The following ATP8B1 variants were observed in gnomAD, a reference collection of about 807,000 sequenced individuals.
ATP8B1 encodes the protein ATPase phospholipid transporting 8B1, also known as phospholipid-transporting ATPase IC.
Under a neutral mutation model 149.9 loss-of-function variants are expected in ATP8B1, and 80 were observed. That is an observed-to-expected ratio of 0.53 (90% CI 0.45 to 0.64). The LOEUF (loss-of-function observed/expected upper bound fraction) is 0.64. ATP8B1 is among the 30% of genes least tolerant of loss of function. ATP8B1 has a pLI of 0.00. For missense variants in ATP8B1, 1,247 were observed against 1,552.6 expected (o/e 0.80, Z 3.31); for synonymous variants, 536 against 562.8 (o/e 0.95, Z 0.67).
At chr18:57,753,101 G>A (rs977310412) in intron 1 of ATP8B1, among the ~76,000 whole-genome samples, 2 of 152,102 alleles carry the variant, frequency 1.3e-5, no homozygotes. Flanking sequence ...AGAGTAGAGT[G>A]CTTAAAAAAC....
rs553598446 is a variant in ATP8B1 at position 57,751,468 on chromosome 18, G to A, written c.-25-19636C>T. ...GATGCTGTCTTGAAAAAAAAAAAAA[G>A]GGAATTTATTTTGCTGTCTGGACCA... is the stretch of plus-strand genomic sequence containing the variant. On this transcript the variant is annotated intron_variant, in intron 1 of 27. Coordinates refer to ENST00000648908, the MANE Select transcript of ATP8B1 (RefSeq NM_001374385.1). 6.9e-3 allele frequency among the ~76,000 whole-genome samples: 999 copies of A among 145,276 alleles called. 4 individuals carry two copies. Among genetic ancestry groups the A allele is most frequent in the African/African-American group, 0.023 (860 of 37,708 alleles).
intron 1 of ATP8B1, among the ~76,000 whole-genome samples, chr18:57,775,824 A>G (rs2080301945): frequency 6.6e-6 from 1 of 152,040 alleles, no homozygotes; most frequent in Non-Finnish European, 1.5e-5. Context: ...TTGCATTTTT[A>G]GTAGAGACGG....
intron 2 of ATP8B1, among the ~76,000 whole-genome samples, chr18:57,709,930 T>C (rs1052160506): frequency 6.6e-6 from 1 of 152,054 alleles, no homozygotes; most frequent in African/African-American, 2.4e-5. Context: ...TCCACCTGCC[T>C]CGACCTCCCA....
intron 1 of ATP8B1, among the ~76,000 whole-genome samples, chr18:57,747,055 G>T (rs1884165248): frequency 6.6e-6 from 1 of 152,186 alleles, no homozygotes; most frequent in South Asian, 2.1e-4. Context: ...TCCTCCAAGA[G>T]CCCTTGCTGA....
intron 1 of ATP8B1, among the ~76,000 whole-genome samples, chr18:57,786,826 T>C (rs563695650): frequency 6.6e-6 from 1 of 152,206 alleles, no homozygotes; most frequent in Non-Finnish European, 1.5e-5. Context: ...CAATGGTTCA[T>C]GAAAACTAGA....
chr18:57,679,727 A>C (rs1911830742), intron 15 of ATP8B1, among the ~76,000 whole-genome samples: 1 of 152,078 alleles, frequency 6.6e-6, no homozygotes, highest in East Asian at 1.9e-4. Context: ...CGCAGTGGCA[A>C]AATCTCGGCT....
intron 1 of ATP8B1, among the ~76,000 whole-genome samples, chr18:57,752,315 G>T (rs1486535775): frequency 1.3e-5 from 2 of 152,088 alleles, no homozygotes; most frequent in East Asian, 3.9e-4. Flanking sequence ...ATCAAGAAAT[G>T]GTTAAGGGCT....
At chr18:57,720,932 G>A (rs2079639196) in intron 2 of ATP8B1, among the ~76,000 whole-genome samples, 1 of 149,810 alleles carries the variant, frequency 6.7e-6, no homozygotes, top group Non-Finnish European at 1.5e-5. Flanking sequence ...AGAGAGTGGG[G>A]GCCAGTATTC....
intron 1 of ATP8B1, among the ~76,000 whole-genome samples, chr18:57,751,109 C>T (rs1164923448): frequency 6.6e-6 from 1 of 151,966 alleles, no homozygotes; most frequent in Non-Finnish European, 1.5e-5. Context: ...GGTAACAGAG[C>T]AAGACTATCT....
chr18:57,692,961 T>G (rs1049063354), intron 11 of ATP8B1, among the ~76,000 whole-genome samples: 1 of 152,114 alleles, frequency 6.6e-6, no homozygotes, highest in Non-Finnish European at 1.5e-5. Flanking sequence ...AGAGACAAAT[T>G]TAAATTTCTG....
intron 24 of ATP8B1, 135 bp from the exon 25 acceptor site, chr18:57,652,864 G>A (rs917487816): frequency 6.1e-5 from 64 of 1,054,622 alleles, no homozygotes; most frequent in Middle Eastern, 5.5e-4. Context: ...CAAGATAATC[G>A]ATCAATCCTG....
At chr18:57,750,606 C>T (rs2080007118) in intron 1 of ATP8B1, among the ~76,000 whole-genome samples, 1 of 152,222 alleles carries the variant, frequency 6.6e-6, no homozygotes, top group South Asian at 2.1e-4. Flanking sequence ...GCAGCTAGGC[C>T]TGCCTTATAT....
chr18:57,765,298 A>T (rs1294413502), intron 1 of ATP8B1, among the ~76,000 whole-genome samples: 1 of 152,186 alleles, frequency 6.6e-6, no homozygotes, highest in Non-Finnish European at 1.5e-5. Flanking sequence ...CTTCAGTTGG[A>T]GAAGAACTTC....
rs1382174609 is a variant in ATP8B1, at chr18:57,754,575, T to C, written c.-25-22743A>G. ...TAAAATGATTCAATATATGGAAAGC[T>C]CTGGAATAGGGCTTGACCCAAAGGA... On this transcript the variant is annotated intron_variant, in intron 1 of 27. Coordinates refer to ENST00000648908, the MANE Select transcript of ATP8B1 (RefSeq NM_001374385.1). Among the ~76,000 whole-genome samples, 8 of 152,144 alleles carry C rather than the reference T, an allele frequency of 5.3e-5. No homozygotes were observed. In the East Asian group the frequency reaches 1.3e-3, roughly 26 times the overall value.
chr18:57,668,373 C>T (rs554228923), intron 19 of ATP8B1, 56 bp downstream of exon 19: 18 of 1,469,134 alleles, frequency 1.2e-5, no homozygotes, highest in African/African-American at 5.6e-5. Flanking sequence ...GCAAAGGAAA[C>T]GGCAGCTATA....
chr18:57,774,509 A>G (rs1188531888), intron 1 of ATP8B1, among the ~76,000 whole-genome samples: 2 of 152,216 alleles, frequency 1.3e-5, no homozygotes, highest in African/African-American at 4.8e-5. Flanking sequence ...GGGCAGGAGA[A>G]CTGCTTGAAC....
rs538694808 is a variant in ATP8B1, at chr18:57,702,070, T to A, written c.394-757A>T. Among the ~76,000 whole-genome samples, 6 of 152,246 alleles carry A rather than the reference T, an allele frequency of 3.9e-5. No homozygotes were observed. The East Asian group carries it at 1.2e-3, about 29-fold the overall frequency. ...TGCAGGTTTCTCAGTCAGTGGTTTC[T>A]GAGGATCCCATGCTGAAGGCAATGA... On this transcript the variant is annotated intron_variant, in intron 4 of 27. Coordinates refer to ENST00000648908, the MANE Select transcript of ATP8B1 (RefSeq NM_001374385.1).
At chr18:57,780,148 A>G (rs1189701682) in intron 1 of ATP8B1, among the ~76,000 whole-genome samples, 1 of 152,224 alleles carries the variant, frequency 6.6e-6, no homozygotes, top group African/African-American at 2.4e-5. Context: ...GAAGATGTCA[A>G]TAAATGTAGA....
At chr18:57,695,554 G>A in intron 8 of ATP8B1, 22 bp from the exon 9 acceptor site, 1 of 1,570,020 alleles carries the variant, frequency 6.4e-7, no homozygotes, top group Non-Finnish European at 8.8e-7. Context: ...GGGAAAAAAT[G>A]AATTAAATGA....
Sources: allele counts gnomAD v4.1 joint callset (sites outside exome capture counted in the v4.1 genomes callset), GRCh38; gene constraint gnomAD v4.1.1; transcripts MANE v1.5; gene names NCBI Gene and HGNC (gene_info 2026-07-23, HGNC 2026-07-21).